ZNF730: variants seen among roughly 807,000 people sequenced by gnomAD.
ZNF730 encodes putative zinc finger protein 730.
ZNF730 carries 12 observed loss-of-function variants against 12.6 expected under a neutral mutation model. The observed-to-expected ratio is 0.95, with a 90% CI of 0.61 to 1.54. The LOEUF is 1.54. Among genes scored for constraint, ZNF730 ranks in the 40% most tolerant of loss-of-function variants. The pLI is 0.00. For missense variants in ZNF730, 643 were observed against 583.5 expected (o/e 1.10, Z -1.05); for synonymous variants, 194 against 195.8 (o/e 0.99, Z 0.08).
intron 1 of ZNF730, chr19:23,128,400 T>G: frequency 2.2e-6 from 1 of 444,852 alleles, no homozygotes; most frequent in Non-Finnish European, 4.3e-6. Context: ...AAGCTCATGC[T>G]GCTATGTGAG....
At chr19:23,127,064 G>GTAA in intron 1 of ZNF730, 1 of 520,096 alleles carries the variant, frequency 1.9e-6, no homozygotes, top group East Asian at 5.3e-5. Context: ...CAATTCTATT[G>GTAA]TAATAATCTG....
At chr19:23,102,882 G>A (rs760222778) in intron 1 of ZNF730, among the ~76,000 whole-genome samples, 23 of 152,112 alleles carry the variant, frequency 1.5e-4, no homozygotes, top group Non-Finnish European at 2.9e-4. Context: ...CATGAGTATG[G>A]TCATGGGTCT....
intron 1 of ZNF730, among the ~76,000 whole-genome samples, chr19:23,098,061 T>C (rs1427658837): frequency 6.6e-6 from 1 of 151,994 alleles, no homozygotes; most frequent in Non-Finnish European, 1.5e-5. Flanking sequence ...GGAGAATCAC[T>C]TGAACCCAAG....
At position 23,135,932 on chromosome 19, in the gene ZNF730, ATTT is replaced by A. The variant is rs901405086; in HGVS notation, c.131-13_131-11del. 2 of 1,601,176 alleles carry A rather than the reference ATTT, an allele frequency of 1.2e-6. No individual in the cohort carries two copies. The highest frequency in any genetic ancestry group is 2.7e-5 in the African/African-American group (2 of 74,518). ...GGAGAATATGAGCAAGATTCATGTT[ATTT>A]TTCATAAAACAGGTATTGCTGTCTC... is the stretch of plus-strand genomic sequence containing the variant. On this transcript the variant is annotated splice_polypyrimidine_tract_variant and intron_variant, in intron 2 of 3. Coordinates refer to ENST00000597761, the MANE Select transcript of ZNF730 (RefSeq NM_001277403.2).
intron 1 of ZNF730, among the ~76,000 whole-genome samples, chr19:23,117,823 T>C (rs1448674533): frequency 6.6e-6 from 1 of 152,210 alleles, no homozygotes; most frequent in Non-Finnish European, 1.5e-5. Context: ...TTATAGTTTG[T>C]TACGCCTAAA....
intron 3 of ZNF730, among the ~76,000 whole-genome samples, chr19:23,137,349 G>T (rs1267836365): frequency 6.6e-6 from 1 of 151,832 alleles, no homozygotes; most frequent in Non-Finnish European, 1.5e-5. Flanking sequence ...TAGTGCTATT[G>T]TAAATAAGGT....
At chr19:23,100,810 C>T (rs564807834) in intron 1 of ZNF730, among the ~76,000 whole-genome samples, 1 of 152,064 alleles carries the variant, frequency 6.6e-6, no homozygotes, top group Non-Finnish European at 1.5e-5. Flanking sequence ...CACCCGCCAC[C>T]AAGCCCAGCT....
At chr19:23,105,499 A>G (rs1311252054) in intron 1 of ZNF730, among the ~76,000 whole-genome samples, 2 of 152,200 alleles carry the variant, frequency 1.3e-5, no homozygotes, top group African/African-American at 4.8e-5. Context: ...AAGGAAAAGA[A>G]AAAGCATATG....
chr19:23,116,921 G>T (rs930671115), upstream of ZNF730: 159 of 384,868 alleles, frequency 4.1e-4, no homozygotes, highest in Non-Finnish European at 6.5e-4. Flanking sequence ...CAGGGCCTGA[G>T]GGGGCGGGGC....
In ZNF730 at chr19:23,145,812, C is replaced by T. The variant is rs1272921732; in HGVS notation, c.768C>T (p.Tyr256=). 6.3e-7 allele frequency: 1 copy of T among 1,594,792 alleles called. No homozygotes were observed. Among genetic ancestry groups the T allele is most frequent in the East Asian group, 2.3e-5 (1 of 44,380 alleles). Residue 256 remains tyrosine, a synonymous_variant, in exon 4 of 4, where the codon TAC becomes TAT. Transcript: ENST00000597761. ...HKRIHTGEKP[Y]QCEKCGKFFN... is the part of the protein sequence containing the mutation. ...GAATTCATACTGGAGAAAAACCCTA[C>T]CAATGTGAGAAATGTGGCAAATTTT...
chr19:23,106,604 C>A (rs1055607417), intron 1 of ZNF730, among the ~76,000 whole-genome samples: 1 of 151,946 alleles, frequency 6.6e-6, no homozygotes, highest in Admixed American at 6.6e-5. Flanking sequence ...CTAGCCTGAC[C>A]AACATGGAGA....
intron 1 of ZNF730, among the ~76,000 whole-genome samples, chr19:23,098,736 A>C (rs920811419): frequency 1.3e-5 from 2 of 152,164 alleles, no homozygotes; most frequent in African/African-American, 4.8e-5. Flanking sequence ...CAGTGCCGTC[A>C]GGGAAAATTT....
chr19:23,090,760 G>C (rs765393811), intron 1 of ZNF730, among the ~76,000 whole-genome samples: 1 of 152,142 alleles, frequency 6.6e-6, no homozygotes. Context: ...ACTTTGGGAG[G>C]CTGAGGTGGG....
At chr19:23,108,737 C>CT (rs11302318) in intron 1 of ZNF730, among the ~76,000 whole-genome samples, 70 of 150,152 alleles carry the variant, frequency 4.7e-4, no homozygotes, top group South Asian at 1.1e-3. Flanking sequence ...TACAAATTGT[C>CT]TTTTTTTTTT....
intron 1 of ZNF730, chr19:23,124,080 C>T (rs937405746): frequency 2.0e-5 from 3 of 152,330 alleles, no homozygotes; most frequent in Admixed American, 2.0e-4. Context: ...GCGCAGGCTC[C>T]ACTCTCTGAT....
chr19:23,096,406 C>G (rs1970253065), intron 1 of ZNF730, among the ~76,000 whole-genome samples: 1 of 152,186 alleles, frequency 6.6e-6, no homozygotes, highest in Non-Finnish European at 1.5e-5. Flanking sequence ...TGGGCCCCCA[C>G]CCATAGGGGT....
intron 1 of ZNF730, among the ~76,000 whole-genome samples, chr19:23,077,296 C>T (rs1969879618): frequency 6.6e-6 from 1 of 152,002 alleles, no homozygotes; most frequent in African/African-American, 2.4e-5. Flanking sequence ...AAAAAATGTG[C>T]ATAGGTAAAA....
In ZNF730 at chr19:23,081,436, C is replaced by T. The variant is rs531395035; in HGVS notation, c.-94+6049C>T. On this transcript the variant is annotated intron_variant, in intron 1 of 2. Coordinates refer to the ZNF730 transcript ENST00000593635. ...CCGGGTTCAAGCGATTCTCCTGCCT[C>T]AGCCTTCTGAGTAGCTGGGATTACA... is the stretch of plus-strand genomic sequence containing the variant. Among the ~76,000 whole-genome samples, 5 of 152,298 alleles carry T rather than the reference C, an allele frequency of 3.3e-5. No individual in the cohort carries two copies. In the South Asian group the frequency reaches 1.0e-3, roughly 32 times the overall value.
intron 1 of ZNF730, among the ~76,000 whole-genome samples, chr19:23,105,091 C>T (rs1455463770): frequency 1.3e-5 from 2 of 151,178 alleles, no homozygotes; most frequent in Non-Finnish European, 2.9e-5. Flanking sequence ...TTGCAAACAA[C>T]TCAGTCCTGT....
Sources: gnomAD v4.1 joint callset for allele counts (sites outside exome capture counted in the v4.1 genomes callset) on GRCh38, gnomAD v4.1.1 for gene constraint, MANE v1.5 for transcripts, NCBI Gene and HGNC (gene_info 2026-07-23, HGNC 2026-07-21) for gene names.